Variants in MPPED2 observed in about 807,000 individuals in gnomAD.
MPPED2 encodes metallophosphoesterase domain containing 2, also known as metallophosphoesterase MPPED2.
A neutral mutation model predicts 33.0 loss-of-function variants in MPPED2; 5 were observed. That is an observed-to-expected ratio of 0.15 (90% confidence interval 0.08 to 0.32). The LOEUF (loss-of-function observed/expected upper bound fraction) is 0.32, where lower values mean the gene tolerates loss of function less well. Among genes scored for constraint, MPPED2 ranks in the 10% least tolerant of loss-of-function variants. MPPED2 has a pLI of 1.00. For missense variants in MPPED2, 275 were observed against 372.1 expected, an observed-to-expected ratio of 0.74 and a Z score of 2.15; for synonymous variants, 136 against 141.9, an observed-to-expected ratio of 0.96 and a Z score of 0.29.
chr11:30,549,005 C>CA (rs1271224084), intron 2 of MPPED2, among the ~76,000 whole-genome samples: 1 of 152,182 alleles, frequency 6.6e-6, no homozygotes, highest in Non-Finnish European at 1.5e-5. Context: ...CTCACCAGTT[C>CA]AAATACCCTT....
intron 4 of MPPED2, among the ~76,000 whole-genome samples, chr11:30,455,970 G>A (rs1364443324): frequency 2.0e-5 from 3 of 152,336 alleles, no homozygotes; most frequent in African/African-American, 4.8e-5. Context: ...CCTGGGTAAT[G>A]TTTCATCACA....
At position 30,444,559 on chromosome 11, in the gene MPPED2, A is replaced by G. The variant is rs371197330; in HGVS notation, c.537-26926T>C. 1.2e-3 allele frequency among the ~76,000 whole-genome samples: 186 copies of G among 152,220 alleles called. 7 individuals are homozygous for G. In the South Asian group the frequency reaches 0.036, roughly 30 times the overall value. ...TCCAAATAAACTCACCTCAGGGCTG[A>G]AACAAGAAATAAAATGTACATTTAC... On this transcript the variant is annotated intron_variant, in intron 4 of 6. Transcript: ENST00000358117.
At chr11:30,497,040 C>A (rs915274231) in intron 3 of MPPED2, among the ~76,000 whole-genome samples, 3 of 152,110 alleles carry the variant, frequency 2.0e-5, no homozygotes, top group Non-Finnish European at 4.4e-5. Flanking sequence ...TGAGGCCAAG[C>A]AGCAATGGAT....
chr11:30,485,550 A>T (rs945490441), intron 4 of MPPED2, among the ~76,000 whole-genome samples: 18 of 151,470 alleles, frequency 1.2e-4, no homozygotes, highest in Admixed American at 6.6e-4. Flanking sequence ...AACCCCGCGG[A>T]GCTCTATACC....
intron 4 of MPPED2, among the ~76,000 whole-genome samples, chr11:30,424,682 G>A (rs1287247926): frequency 6.6e-6 from 1 of 152,124 alleles, no homozygotes; most frequent in East Asian, 1.9e-4. Flanking sequence ...TCCCCTCCCT[G>A]CCTCGTTTTC....
intron 4 of MPPED2, among the ~76,000 whole-genome samples, chr11:30,448,155 G>A (rs1949896217): frequency 6.6e-6 from 1 of 152,102 alleles, no homozygotes; most frequent in South Asian, 2.1e-4. Flanking sequence ...AAATCACAAG[G>A]GCATCATTTT....
intron 4 of MPPED2, among the ~76,000 whole-genome samples, chr11:30,419,880 C>T (rs1039570252): frequency 6.6e-5 from 10 of 152,166 alleles, no homozygotes; most frequent in Non-Finnish European, 1.5e-4. Flanking sequence ...TGTTGTTGAA[C>T]ATGTGCATCC....
intron 2 of MPPED2, among the ~76,000 whole-genome samples, chr11:30,559,183 A>G (rs1956128147): frequency 6.6e-6 from 1 of 152,184 alleles, no homozygotes; most frequent in Non-Finnish European, 1.5e-5. Context: ...AAAAGTCACA[A>G]TAGTCACATA....
intron 6 of MPPED2, among the ~76,000 whole-genome samples, chr11:30,396,830 C>T (rs1947845269): frequency 6.6e-6 from 1 of 152,228 alleles, no homozygotes; most frequent in East Asian, 1.9e-4. Context: ...CCTGGGGCAA[C>T]TACTTTAGCA....
At chr11:30,500,753 T>C (rs752785878) in intron 3 of MPPED2, among the ~76,000 whole-genome samples, 2 of 152,234 alleles carry the variant, frequency 1.3e-5, no homozygotes, top group South Asian at 4.1e-4. Flanking sequence ...ACATGGATCA[T>C]GGCTTGTTGT....
At chr11:30,393,297 T>C (rs1023182161) in intron 6 of MPPED2, among the ~76,000 whole-genome samples, 18 of 152,020 alleles carry the variant, frequency 1.2e-4, no homozygotes, top group African/African-American at 4.4e-4. Context: ...GACAACCCTA[T>C]CTCTGCTCTC....
intron 3 of MPPED2, among the ~76,000 whole-genome samples, chr11:30,521,945 A>T (rs974959373): frequency 6.6e-6 from 1 of 152,184 alleles, no homozygotes; most frequent in African/African-American, 2.4e-5. Flanking sequence ...GAATGAGATA[A>T]ATGTGTTTGC....
chr11:30,449,868 C>A (rs1292641787), intron 4 of MPPED2, among the ~76,000 whole-genome samples: 1 of 152,104 alleles, frequency 6.6e-6, no homozygotes, highest in African/African-American at 2.4e-5. Context: ...TAGTTTCCCC[C>A]AAAATTTCCA....
chr11:30,445,061 T>C (rs1157726733), intron 4 of MPPED2, among the ~76,000 whole-genome samples: 1 of 152,186 alleles, frequency 6.6e-6, no homozygotes, highest in Non-Finnish European at 1.5e-5. Context: ...AAAGCTTCCA[T>C]CTTCTCTTTC....
intron 4 of MPPED2, among the ~76,000 whole-genome samples, chr11:30,465,888 A>C (rs1380647625): frequency 6.6e-6 from 1 of 152,190 alleles, no homozygotes; most frequent in African/African-American, 2.4e-5. Flanking sequence ...GGGTCCTGCA[A>C]CCAATCCTCC....
chr11:30,521,629 G>A (rs1252254795), intron 3 of MPPED2, among the ~76,000 whole-genome samples: 3 of 152,146 alleles, frequency 2.0e-5, no homozygotes, highest in Non-Finnish European at 2.9e-5. Flanking sequence ...AGGACACCAC[G>A]CCGTATCTTT....
At chr11:30,568,755 T>C (rs927646280) in intron 2 of MPPED2, among the ~76,000 whole-genome samples, 7 of 152,144 alleles carry the variant, frequency 4.6e-5, no homozygotes, top group Non-Finnish European at 8.8e-5. Flanking sequence ...AATTATTTTT[T>C]CCCTCCAATG....
rs1285758749 is a variant in MPPED2, at chr11:30,410,434, A to G, written c.*1034T>C. ...AGATTGCATCGACACACAGTGCAAA[A>G]TGGGAGAGGGGAGAGGAAGTAAGAA... On this transcript the variant is annotated 3_prime_UTR_variant, in exon 7 of 7. Coordinates refer to ENST00000358117, the MANE Select transcript of MPPED2 (RefSeq NM_001584.3). 1.0e-6 allele frequency: 1 copy of G among 972,368 alleles called. No individual in the cohort carries two copies. The highest frequency in any genetic ancestry group is 6.7e-5 in the Admixed American group (1 of 15,026). 60.2% of individuals were successfully genotyped at this position (972,368 alleles called of 1,614,324 possible).
At chr11:30,486,911 T>A (rs1418107096) in intron 4 of MPPED2, among the ~76,000 whole-genome samples, 1 of 152,228 alleles carries the variant, frequency 6.6e-6, no homozygotes, top group Non-Finnish European at 1.5e-5. Context: ...GTATTGGAAA[T>A]ACTTTCTTTC....
Sources: allele counts gnomAD v4.1 joint callset (sites outside exome capture counted in the v4.1 genomes callset), GRCh38; gene constraint gnomAD v4.1.1; transcripts MANE v1.5; gene names NCBI Gene and HGNC (gene_info 2026-07-23, HGNC 2026-07-21).